The following XRRA1 variants were observed in gnomAD, a reference collection of about 807,000 sequenced individuals.
The protein encoded by XRRA1 is X-ray radiation resistance associated 1.
A neutral mutation model predicts 80.2 loss-of-function variants in XRRA1; 69 were observed. That is an observed-to-expected ratio of 0.86 (90% confidence interval 0.71 to 1.05). The LOEUF (loss-of-function observed/expected upper bound fraction) is 1.05. Ranked by LOEUF, XRRA1 falls within the 50% of genes least tolerant of loss-of-function variation. XRRA1 has a pLI of 0.00. For missense variants in XRRA1, 967 were observed against 976.4 expected (o/e 0.99, Z 0.13); for synonymous variants, 348 against 389.9 (o/e 0.89, Z 1.27).
chr11:74,848,401 G>A lies in XRRA1; in HGVS notation c.1442C>T (p.Thr481Met), dbSNP rs4944960. The A allele has an allele frequency of 5.6e-6, 9 of 1,613,466 alleles. No individual in the cohort carries two copies. The highest frequency in any genetic ancestry group is 2.2e-5 in the East Asian group (1 of 44,820). Residue 481 changes from threonine to methionine, a missense_variant, in exon 15 of 19, where the codon ACG becomes ATG. Transcript: ENST00000684022. ...QPLVLHHPRM[T>M]TTKSPSKDML... ...ATCCTTTGAGGGAGACTTGGTTGTC[G>A]TCATGCGCGGGTGATGGAGCACCAG...
chr11:74,926,514 C>T (rs1318663378), intron 7 of XRRA1, among the ~76,000 whole-genome samples: 1 of 152,190 alleles, frequency 6.6e-6, no homozygotes, highest in Non-Finnish European at 1.5e-5. Flanking sequence ...GAGTCTATTA[C>T]TCAGTGAGTG....
chr11:74,867,280 T>C (rs577158853), intron 10 of XRRA1, among the ~76,000 whole-genome samples: 1 of 152,250 alleles, frequency 6.6e-6, no homozygotes, highest in East Asian at 1.9e-4. Flanking sequence ...GGAATGGAGA[T>C]CACTGACATT....
chr11:74,943,124 C>T (rs1946671746), intron 2 of XRRA1, among the ~76,000 whole-genome samples: 1 of 152,218 alleles, frequency 6.6e-6, no homozygotes, highest in African/African-American at 2.4e-5. Flanking sequence ...AACCTTCCAT[C>T]CTCTATCTGC....
chr11:74,925,264 G>C (rs1941941696), intron 7 of XRRA1, among the ~76,000 whole-genome samples: 1 of 152,206 alleles, frequency 6.6e-6, no homozygotes, highest in Non-Finnish European at 1.5e-5. Flanking sequence ...GGCTCCAGCT[G>C]AACCTTCTTC....
At chr11:74,913,584 G>C (rs776023330) in intron 8 of XRRA1, 1 of 152,120 alleles carries the variant, frequency 6.6e-6, no homozygotes, top group African/African-American at 2.4e-5. Flanking sequence ...CAATTAATAA[G>C]AACTACCAAA....
chr11:74,906,588 G>A (rs1448500763), intron 9 of XRRA1, 132 bp from the exon 10 acceptor site: 3 of 985,022 alleles, frequency 3.0e-6, no homozygotes, highest in Non-Finnish European at 4.4e-6. Context: ...TTGAGCCGGT[G>A]ACTTACTCTC....
chr11:74,848,077 CT>C (rs1293325335), intron 15 of XRRA1, 37 bp downstream of exon 15: 2 of 1,564,254 alleles, frequency 1.3e-6, no homozygotes, highest in Non-Finnish European at 1.7e-6. Flanking sequence ...CCTGTGGGAG[CT>C]AGCAACAAGT....
At chr11:74,942,538 A>T (rs1421821743) in intron 2 of XRRA1, among the ~76,000 whole-genome samples, 2 of 152,192 alleles carry the variant, frequency 1.3e-5, no homozygotes, top group Non-Finnish European at 2.9e-5. Flanking sequence ...GCTCTCTCTC[A>T]GAGTTGTGCA....
At chr11:74,859,522 T>A (rs966233045) in intron 11 of XRRA1, among the ~76,000 whole-genome samples, 1 of 152,132 alleles carries the variant, frequency 6.6e-6, no homozygotes, top group Admixed American at 6.5e-5. Context: ...CAAAGTTCCA[T>A]TTTCAAGTTT....
intron 10 of XRRA1, among the ~76,000 whole-genome samples, chr11:74,879,861 T>G (rs971385187): frequency 2.6e-5 from 4 of 151,850 alleles, no homozygotes; most frequent in African/African-American, 7.3e-5. Context: ...GCTGGATTCG[T>G]TTTGTCAGTA....
chr11:74,904,433 C>T (rs2054155285), intron 10 of XRRA1, among the ~76,000 whole-genome samples: 1 of 150,996 alleles, frequency 6.6e-6, no homozygotes, highest in Non-Finnish European at 1.5e-5. Flanking sequence ...GCACTTCAGC[C>T]TGGGGTGATA....
intron 10 of XRRA1, among the ~76,000 whole-genome samples, chr11:74,892,391 T>C (rs895601723): frequency 1.3e-5 from 2 of 152,162 alleles, no homozygotes; most frequent in Admixed American, 6.5e-5. Context: ...TTACCCCTTA[T>C]ACAAAAATTA....
intron 6 of XRRA1, among the ~76,000 whole-genome samples, chr11:74,930,028 T>C (rs540522225): frequency 6.6e-6 from 1 of 152,306 alleles, no homozygotes; most frequent in East Asian, 1.9e-4. Context: ...CATATGAGCC[T>C]GCAAGGTATC....
At chr11:74,889,144 C>A (rs921146700) in intron 10 of XRRA1, among the ~76,000 whole-genome samples, 2 of 152,108 alleles carry the variant, frequency 1.3e-5, no homozygotes, top group Non-Finnish European at 2.9e-5. Context: ...ATGTTAGGGG[C>A]AGCCAGAGAG....
intron 10 of XRRA1, among the ~76,000 whole-genome samples, chr11:74,885,534 C>T (rs1279229583): frequency 6.6e-6 from 1 of 152,098 alleles, no homozygotes; most frequent in African/African-American, 2.4e-5. Context: ...AACTGAATCC[C>T]TGAATAGACC....
intron 3 of XRRA1, among the ~76,000 whole-genome samples, chr11:74,940,104 T>C (rs1015474079): frequency 6.6e-6 from 1 of 152,198 alleles, no homozygotes; most frequent in African/African-American, 2.4e-5. Flanking sequence ...GGTTTACTTC[T>C]CCTTTGCCCT....
Position 74,922,560 on chromosome 11 carries a change from C to G in XRRA1, c.523-1213G>C, listed in dbSNP as rs150725074. ...TTTCTTATGTGCTTCCCTGTGCCCCCCTCCTCAACATACATTGAAGTCTAT... is the reference window on the plus strand; with the variant it reads ...TTTCTTATGTGCTTCCCTGTGCCCCGCTCCTCAACATACATTGAAGTCTAT... On this transcript the variant is annotated intron_variant, in intron 7 of 18. Transcript: ENST00000684022. Among the ~76,000 whole-genome samples the G allele has an allele frequency of 2.8e-4, 43 of 152,318 alleles. No individual in the cohort carries two copies. The East Asian group carries it at 7.5e-3, about 27-fold the overall frequency.
intron 12 of XRRA1, among the ~76,000 whole-genome samples, chr11:74,858,468 A>G (rs998958534): frequency 1.3e-5 from 2 of 152,256 alleles, no homozygotes; most frequent in African/African-American, 4.8e-5. Context: ...GTTTAGCTGT[A>G]TCAGCTGCTT....
At chr11:74,893,246 G>C (rs2051267689) in intron 10 of XRRA1, among the ~76,000 whole-genome samples, 2 of 152,178 alleles carry the variant, frequency 1.3e-5, no homozygotes, top group African/African-American at 4.8e-5. Context: ...ATGAGTTCAT[G>C]TCCTTTGTAG....
Sources: gnomAD v4.1 joint callset for allele counts (sites outside exome capture counted in the v4.1 genomes callset) on GRCh38, gnomAD v4.1.1 for gene constraint, MANE v1.5 for transcripts, NCBI Gene and HGNC (gene_info 2026-07-23, HGNC 2026-07-21) for gene names.